Variants in INPP4B observed in about 807,000 individuals in gnomAD.
INPP4B encodes inositol polyphosphate 4-phosphatase type II.
Under a neutral mutation model 122.5 loss-of-function variants are expected in INPP4B, and 55 were observed. That is an observed-to-expected ratio of 0.45 (90% CI 0.36 to 0.56). The LOEUF (loss-of-function observed/expected upper bound fraction) is 0.56. Ranked by LOEUF, INPP4B falls within the 20% of genes least tolerant of loss-of-function variation. The probability of loss-of-function intolerance (pLI) is 0.00; values close to 1 mark genes in which losing one functional copy is unlikely to be tolerated. For synonymous variants in INPP4B, 403 were observed against 388.7 expected, an observed-to-expected ratio of 1.04 and a Z score of -0.43; for missense variants, 1,000 against 1,097.7, an observed-to-expected ratio of 0.91 and a Z score of 1.26.
At chr4:142,698,518 T>C (rs995016260) in intron 2 of INPP4B, among the ~76,000 whole-genome samples, 6 of 152,182 alleles carry the variant, frequency 3.9e-5, no homozygotes, top group Non-Finnish European at 7.3e-5. Context: ...TTTCTGCAGA[T>C]CTCAATCACA....
In INPP4B at chr4:142,829,476, T is replaced by A. The variant is rs978192488; in HGVS notation, c.-254+16733A>T. Among the ~76,000 whole-genome samples, 3 of 152,298 alleles carry A rather than the reference T, an allele frequency of 2.0e-5. No homozygotes were observed. In the East Asian group the frequency reaches 5.8e-4, roughly 29 times the overall value. ...GTGGACCTGCTCCACAAAGCCTCCC[T>A]TCTTCTTAATTCCAGTGACTTCTCC... On this transcript the variant is annotated intron_variant, in intron 1 of 25. Transcript: ENST00000262992.
intron 1 of INPP4B, among the ~76,000 whole-genome samples, chr4:142,764,583 C>T (rs1411446375): frequency 2.0e-5 from 3 of 152,074 alleles, no homozygotes; most frequent in African/African-American, 7.2e-5. Context: ...AGCTGTTCTC[C>T]TAGGAACATA....
At chr4:142,426,995 T>TA (rs1808235717) in intron 5 of INPP4B, 1 of 151,934 alleles carries the variant, frequency 6.6e-6, no homozygotes, top group African/African-American at 2.4e-5. Context: ...TTAAACATGA[T>TA]AAAAATATTT....
At chr4:142,033,728 G>A (rs574435170) in intron 25 of INPP4B, among the ~76,000 whole-genome samples, 1 of 145,564 alleles carries the variant, frequency 6.9e-6, no homozygotes, top group East Asian at 2.0e-4. Context: ...ACAGTGGCGT[G>A]ATCATGGCCT....
At chr4:142,139,929 G>A (rs1283302674) in intron 18 of INPP4B, among the ~76,000 whole-genome samples, 3 of 152,102 alleles carry the variant, frequency 2.0e-5, no homozygotes, top group Non-Finnish European at 4.4e-5. Context: ...CCACCCACCT[G>A]GGCTTCCAAA....
At chr4:142,618,538 A>T (rs1744180763) in intron 2 of INPP4B, among the ~76,000 whole-genome samples, 1 of 152,094 alleles carries the variant, frequency 6.6e-6, no homozygotes, top group Admixed American at 6.6e-5. Flanking sequence ...CACATGCAAA[A>T]AATAAAACTG....
chr4:142,398,445 T>TATATATATATAA (rs749321202), intron 7 of INPP4B, among the ~76,000 whole-genome samples: 4 of 74,566 alleles, frequency 5.4e-5, no homozygotes, highest in African/African-American at 2.9e-4. Context: ...TATATATATA[T>TATATATATATAA]AAAACATATT....
At chr4:142,079,119 A>T (rs1561043544) in intron 25 of INPP4B, among the ~76,000 whole-genome samples, 1 of 152,022 alleles carries the variant, frequency 6.6e-6, no homozygotes. Flanking sequence ...TGAACCCAAG[A>T]TGATGATAAC....
intron 1 of INPP4B, among the ~76,000 whole-genome samples, chr4:142,739,698 C>T (rs1010384812): frequency 1.3e-5 from 2 of 151,988 alleles, no homozygotes; most frequent in East Asian, 3.9e-4. Context: ...GAAATTTTAG[C>T]ATCAATGCAG....
intron 2 of INPP4B, among the ~76,000 whole-genome samples, chr4:142,720,797 C>CTATA (rs1170460036): frequency 9.5e-4 from 28 of 29,324 alleles, no homozygotes; most frequent in Admixed American, 2.1e-3. Context: ...CTCTCTCTCT[C>CTATA]TCTCTCTCTC....
chr4:142,498,735 G>A lies in INPP4B; in HGVS notation c.-190-36009C>T, dbSNP rs146113645. Among the ~76,000 whole-genome samples the A allele has an allele frequency of 4.2e-3, 645 of 152,220 alleles. 3 individuals carry two copies. Among genetic ancestry groups the A allele is most frequent in the African/African-American group, 0.015 (630 of 41,528 alleles). ...GAGCCCAGGATGGGGAGGTTGCAGTGAGCTGAGACTGCACCACTGCTCCAA... is the reference window on the plus strand; with the variant it reads ...GAGCCCAGGATGGGGAGGTTGCAGTAAGCTGAGACTGCACCACTGCTCCAA... On this transcript the variant is annotated intron_variant, in intron 2 of 25. Transcript: ENST00000262992.
At chr4:142,358,253 A>T (rs1784259691) in intron 7 of INPP4B, among the ~76,000 whole-genome samples, 1 of 151,992 alleles carries the variant, frequency 6.6e-6, no homozygotes, top group Non-Finnish European at 1.5e-5. Context: ...GGAATTTTTT[A>T]AAAATACATA....
chr4:142,163,089 T>C (rs1820929275), intron 16 of INPP4B, among the ~76,000 whole-genome samples: 1 of 151,916 alleles, frequency 6.6e-6, no homozygotes, highest in African/African-American at 2.4e-5. Context: ...ATGTAGTCAC[T>C]AAATCCCAAC....
At chr4:142,360,129 C>T (rs972687346) in intron 7 of INPP4B, among the ~76,000 whole-genome samples, 1 of 151,812 alleles carries the variant, frequency 6.6e-6, no homozygotes, top group African/African-American at 2.4e-5. Context: ...AAATGGCCCC[C>T]ATTATAGACC....
intron 25 of INPP4B, among the ~76,000 whole-genome samples, chr4:142,067,135 A>G (rs1394769205): frequency 6.6e-6 from 1 of 152,188 alleles, no homozygotes. Flanking sequence ...TTCTAGAGGA[A>G]GGATCAGGCA....
chr4:142,332,918 G>A (rs1258760627), intron 7 of INPP4B, among the ~76,000 whole-genome samples: 1 of 150,214 alleles, frequency 6.7e-6, no homozygotes, highest in Non-Finnish European at 1.5e-5. Context: ...GGCTGAGGCA[G>A]GAGAATGGCG....
chr4:142,176,091 ATC>A (rs1828035177), intron 15 of INPP4B, among the ~76,000 whole-genome samples: 1 of 149,554 alleles, frequency 6.7e-6, no homozygotes, highest in Non-Finnish European at 1.5e-5. Context: ...GGGGTCTTCC[ATC>A]TCTCTCTTCA....
At chr4:142,304,021 G>A (rs1762459728) in intron 9 of INPP4B, among the ~76,000 whole-genome samples, 1 of 152,034 alleles carries the variant, frequency 6.6e-6, no homozygotes, top group African/African-American at 2.4e-5. Flanking sequence ...TGATGTTAAT[G>A]ACTGTTATGT....
chr4:142,201,311 C>T (rs1347761539), intron 14 of INPP4B, among the ~76,000 whole-genome samples: 1 of 152,024 alleles, frequency 6.6e-6, no homozygotes, highest in Non-Finnish European at 1.5e-5. Flanking sequence ...TAATCTTTAA[C>T]TTTAATTGAG....
Sources: allele counts gnomAD v4.1 joint callset (sites outside exome capture counted in the v4.1 genomes callset), GRCh38; gene constraint gnomAD v4.1.1; transcripts MANE v1.5; gene names NCBI Gene and HGNC (gene_info 2026-07-23, HGNC 2026-07-21).